The following KCNAB1 variants were observed in gnomAD, a reference collection of about 807,000 sequenced individuals.
KCNAB1 encodes the protein voltage-gated potassium channel subunit beta-1.
A neutral mutation model predicts 64.6 loss-of-function variants in KCNAB1; 35 were observed. That is an observed-to-expected ratio of 0.54 (90% CI 0.41 to 0.72). KCNAB1 has a LOEUF of 0.72. Among genes scored for constraint, KCNAB1 ranks in the 30% least tolerant of loss-of-function variants. The pLI is 0.00. For missense variants in KCNAB1, 401 were observed against 512.9 expected (o/e 0.78, Z 2.11); for synonymous variants, 177 against 183.8 (o/e 0.96, Z 0.30).
At chr3:156,290,368 C>A (rs1720333363) in intron 1 of KCNAB1, among the ~76,000 whole-genome samples, 1 of 152,200 alleles carries the variant, frequency 6.6e-6, no homozygotes, top group Non-Finnish European at 1.5e-5. Context: ...TGCTTGACAG[C>A]AGTATCTGTT....
intron 1 of KCNAB1, among the ~76,000 whole-genome samples, chr3:156,302,906 G>T (rs974194636): frequency 2.0e-5 from 3 of 152,178 alleles, no homozygotes; most frequent in Admixed American, 6.5e-5. Context: ...TATGGGAATA[G>T]AACTTCTTTC....
At chr3:156,519,614 A>G (rs1191800050) in intron 11 of KCNAB1, among the ~76,000 whole-genome samples, 2 of 152,104 alleles carry the variant, frequency 1.3e-5, no homozygotes, top group African/African-American at 4.8e-5. Flanking sequence ...GAGAATGGGG[A>G]CTCTATTGGT....
chr3:156,240,619 A>G (rs1717111261), intron 1 of KCNAB1, among the ~76,000 whole-genome samples: 1 of 152,188 alleles, frequency 6.6e-6, no homozygotes, highest in Non-Finnish European at 1.5e-5. Flanking sequence ...GCAGATGAGG[A>G]TTTAACTCCC....
chr3:156,357,845 T>G (rs1725361676), intron 1 of KCNAB1, among the ~76,000 whole-genome samples: 1 of 147,430 alleles, frequency 6.8e-6, no homozygotes, highest in Admixed American at 6.7e-5. Flanking sequence ...ACTATAGTTT[T>G]TATACTAAAT....
At position 156,478,153 on chromosome 3, in the gene KCNAB1, C is replaced by A. The variant is rs1474224678; in HGVS notation, c.658+3333C>A. ...AAATCATCACCAGATAGTTGTCCAA[C>A]CTTTTTTTTTCGGTAGTGGCAGAAA... is the stretch of plus-strand genomic sequence containing the variant. On this transcript the variant is annotated intron_variant, in intron 8 of 13. Coordinates refer to ENST00000490337, the MANE Select transcript of KCNAB1 (RefSeq NM_172160.3). Among the ~76,000 whole-genome samples the A allele has an allele frequency of 2.0e-5, 3 of 151,958 alleles. No individual in the cohort carries two copies. The East Asian group carries it at 5.8e-4, about 29-fold the overall frequency.
chr3:156,492,325 T>G (rs186236719), intron 8 of KCNAB1, among the ~76,000 whole-genome samples: 77 of 152,238 alleles, frequency 5.1e-4, no homozygotes, highest in African/African-American at 1.8e-3. Flanking sequence ...CCCCTCCCCT[T>G]GAATCTGGAC....
At chr3:156,354,045 A>G (rs1725037719) in intron 1 of KCNAB1, among the ~76,000 whole-genome samples, 2 of 117,322 alleles carry the variant, frequency 1.7e-5, no homozygotes, top group South Asian at 5.1e-4. Context: ...GTGTGTATAT[A>G]TATGTGTGTG....
At chr3:156,504,688 A>G (rs1716692646) in intron 8 of KCNAB1, among the ~76,000 whole-genome samples, 1 of 146,992 alleles carries the variant, frequency 6.8e-6, no homozygotes, top group Non-Finnish European at 1.5e-5. Flanking sequence ...CTTTAGAGGA[A>G]TATTTATTCA....
chr3:156,320,089 T>C (rs1026517499), intron 1 of KCNAB1, among the ~76,000 whole-genome samples: 4 of 152,162 alleles, frequency 2.6e-5, no homozygotes, highest in Non-Finnish European at 5.9e-5. Flanking sequence ...TTCTACATTC[T>C]CTGAGGACTC....
intron 1 of KCNAB1, among the ~76,000 whole-genome samples, chr3:156,310,442 T>C (rs1721812555): frequency 6.6e-6 from 1 of 151,916 alleles, no homozygotes; most frequent in Admixed American, 6.6e-5. Flanking sequence ...CCCAAAGAGA[T>C]GAGTTTGCAA....
intron 1 of KCNAB1, among the ~76,000 whole-genome samples, chr3:156,166,528 T>TAC (rs199726612): frequency 0.065 from 9,360 of 145,100 alleles, 461 homozygotes; most frequent in East Asian, 0.22. Context: ...AAAATACATA[T>TAC]ATACACACAC....
intron 8 of KCNAB1, among the ~76,000 whole-genome samples, chr3:156,501,852 C>T (rs192063159): frequency 6.6e-6 from 1 of 152,094 alleles, no homozygotes; most frequent in South Asian, 2.1e-4. Flanking sequence ...CTGGGGAGGT[C>T]TCAGAATCAT....
At chr3:156,203,077 C>G (rs1432839148) in intron 1 of KCNAB1, among the ~76,000 whole-genome samples, 1 of 152,142 alleles carries the variant, frequency 6.6e-6, no homozygotes, top group Non-Finnish European at 1.5e-5. Context: ...ATCTTTTCAT[C>G]TTTTGTATGC....
intron 1 of KCNAB1, among the ~76,000 whole-genome samples, chr3:156,335,127 G>A (rs1723599847): frequency 6.6e-6 from 1 of 152,186 alleles, no homozygotes; most frequent in South Asian, 2.1e-4. Flanking sequence ...CTGGCATCTG[G>A]AGCCTTTGAT....
intron 1 of KCNAB1, among the ~76,000 whole-genome samples, chr3:156,162,681 C>T (rs1716151873): frequency 6.6e-6 from 1 of 152,116 alleles, no homozygotes; most frequent in Non-Finnish European, 1.5e-5. Context: ...TGCCAGCCAG[C>T]ATCATGACAT....
intron 11 of KCNAB1, among the ~76,000 whole-genome samples, chr3:156,518,157 G>A (rs938033670): frequency 2.6e-5 from 4 of 152,200 alleles, no homozygotes; most frequent in Non-Finnish European, 4.4e-5. Context: ...AAGCCCAAAA[G>A]CAGCTTGGGA....
intron 2 of KCNAB1, among the ~76,000 whole-genome samples, chr3:156,433,410 T>C (rs1716363779): frequency 6.6e-6 from 1 of 152,162 alleles, no homozygotes; most frequent in South Asian, 2.1e-4. Context: ...GTCAGTACTC[T>C]GAAGGAAATA....
chr3:156,428,535 C>CACACACACACACA, intron 2 of KCNAB1, among the ~76,000 whole-genome samples: 1 of 91,838 alleles, frequency 1.1e-5, no homozygotes, highest in Admixed American at 9.0e-5. Flanking sequence ...ACACACACAC[C>CACACACACACACA]CTATTGGTTC....
At chr3:156,269,611 T>C (rs965050617) in intron 1 of KCNAB1, among the ~76,000 whole-genome samples, 6 of 152,194 alleles carry the variant, frequency 3.9e-5, no homozygotes, top group South Asian at 2.1e-4. Context: ...TCTTCAGATA[T>C]TATTTTAGTG....
Sources: allele counts gnomAD v4.1 joint callset (sites outside exome capture counted in the v4.1 genomes callset), GRCh38; gene constraint gnomAD v4.1.1; transcripts MANE v1.5; gene names NCBI Gene and HGNC (gene_info 2026-07-23, HGNC 2026-07-21).